The following GDI2 variants were observed in gnomAD, a reference collection of about 807,000 sequenced individuals.
The protein encoded by GDI2 is rab GDP dissociation inhibitor beta.
In GDI2, 22 loss-of-function variants were observed where a neutral mutation model predicts 54.2. The observed-to-expected ratio is 0.41, with a 90% CI of 0.29 to 0.58. The LOEUF (loss-of-function observed/expected upper bound fraction) is 0.58. GDI2 is among the 20% of genes least tolerant of loss of function. The probability of loss-of-function intolerance (pLI) is 0.35; values close to 1 mark genes in which losing one functional copy is unlikely to be tolerated. For missense variants in GDI2, 422 were observed against 546.0 expected (o/e 0.77, Z 2.26); for synonymous variants, 177 against 182.1 (o/e 0.97, Z 0.23).
intron 1 of GDI2, among the ~76,000 whole-genome samples, chr10:5,811,511 G>A (rs534324012): frequency 6.6e-6 from 1 of 152,222 alleles, no homozygotes; most frequent in Non-Finnish European, 1.5e-5. Context: ...CCTCAATTGT[G>A]AGCAAATCTG....
At chr10:5,799,964 GT>G (rs2131713925) in intron 2 of GDI2, among the ~76,000 whole-genome samples, 1 of 152,198 alleles carries the variant, frequency 6.6e-6, no homozygotes, top group African/African-American at 2.4e-5. Flanking sequence ...AAACTTTTCA[GT>G]ATTACTGAAT....
intron 1 of GDI2, chr10:5,811,953 T>C: frequency 4.7e-6 from 5 of 1,067,604 alleles, no homozygotes; most frequent in Non-Finnish European, 6.1e-6. Flanking sequence ...TTTTGGGATG[T>C]TACCTGTAAA....
rs928893481 is a variant in GDI2, at chr10:5,765,718, CTG to C, written c.*286_*287del. On this transcript the variant is annotated 3_prime_UTR_variant, in exon 11 of 11. Coordinates refer to ENST00000380191, the MANE Select transcript of GDI2 (RefSeq NM_001494.4). ...TACACTGATTAAAAGATTAAAAAAA[CTG>C]TCTCAAGTTGTCTGTGTCGGTATCC... The C allele has an allele frequency of 2.2e-5, 7 of 322,470 alleles. No individual in the cohort carries two copies. Among genetic ancestry groups the C allele is most frequent in the Admixed American group, 2.0e-4 (4 of 20,312 alleles). The allele number at this position is 322,470 out of a possible 1,614,324, so 20.0% of individuals were successfully genotyped here.
chr10:5,796,339 A>C (rs1187942240), intron 3 of GDI2, among the ~76,000 whole-genome samples: 1 of 113,910 alleles, frequency 8.8e-6, no homozygotes, highest in Non-Finnish European at 1.9e-5. Context: ...ACAGAGCGAG[A>C]CTCCGTCTCA....
intron 4 of GDI2, among the ~76,000 whole-genome samples, chr10:5,787,221 T>C (rs1840899092): frequency 6.6e-6 from 1 of 152,166 alleles, no homozygotes. Flanking sequence ...ACCATGAGGC[T>C]GGTCAGGTCG....
chr10:5,782,633 C>T (rs2131695516), intron 6 of GDI2, among the ~76,000 whole-genome samples: 1 of 152,086 alleles, frequency 6.6e-6, no homozygotes, highest in South Asian at 2.1e-4. Flanking sequence ...TTCTACTCAA[C>T]AATTAAAAAA....
Position 5,813,327 on chromosome 10 carries a change from GGCTGGGAGGC to G in GDI2, c.-79_-70del. On this transcript the variant is annotated 5_prime_UTR_variant, in exon 1 of 11. Transcript: ENST00000380191. ...CAGGGGCTCCGTGACCACCCTACGA[GGCTGGGAGGC>G]GCTCTTGGGCGCGAAGGAAAGGGGA... 8.6e-7 allele frequency: 1 copy of G among 1,159,244 alleles called. No homozygotes were observed. Among genetic ancestry groups the G allele is most frequent in the Non-Finnish European group, 1.2e-6 (1 of 800,806 alleles). 71.8% of individuals were successfully genotyped at this position (1,159,244 alleles called of 1,614,324 possible). A position where few individuals can be genotyped will look rare whatever the true frequency, so the allele number is the denominator to read the frequency against.
chr10:5,783,632 G>A (rs989770197), intron 6 of GDI2, among the ~76,000 whole-genome samples: 1 of 152,154 alleles, frequency 6.6e-6, no homozygotes, highest in African/African-American at 2.4e-5. Flanking sequence ...AGCAGTTCTT[G>A]TAGTGCTGGC....
At chr10:5,779,529 T>C (rs756856569) in intron 6 of GDI2, among the ~76,000 whole-genome samples, 2 of 150,128 alleles carry the variant, frequency 1.3e-5, no homozygotes, top group Admixed American at 6.6e-5. Context: ...AATAAAACTA[T>C]AGAAAATGAG....
chr10:5,810,347 T>C (rs1473681763), intron 1 of GDI2, among the ~76,000 whole-genome samples: 1 of 152,244 alleles, frequency 6.6e-6, no homozygotes, highest in Non-Finnish European at 1.5e-5. Flanking sequence ...ACTCTTATTG[T>C]TTTAATCTAC....
chr10:5,785,939 G>A lies in GDI2; in HGVS notation c.500C>T (p.Thr167Ile). The A allele has an allele frequency of 6.2e-7, 1 of 1,610,978 alleles. No individual in the cohort carries two copies. The highest frequency in any genetic ancestry group is 8.5e-7 in the Non-Finnish European group (1 of 1,177,184). Residue 167 changes from threonine (T) to isoleucine (I), a missense_variant, in exon 5 of 11, where the codon ACA becomes ATA. Transcript: ENST00000380191. ...AAATTTCTTATACACATCTCGCATT[G>A]TGGTCTTCTTAGGATCAATGCCTTC... is the stretch of plus-strand genomic sequence containing the variant. The part of the protein sequence containing the change: ...TFEGIDPKKT[T>I]MRDVYKKFDL...
intron 7 of GDI2, among the ~76,000 whole-genome samples, chr10:5,772,712 A>G (rs1225609297): frequency 2.0e-5 from 3 of 152,128 alleles, no homozygotes; most frequent in Admixed American, 2.0e-4. Flanking sequence ...AGCTGAGATC[A>G]CGCCACTGCA....
chr10:5,798,061 G>T (rs138256509), intron 2 of GDI2, among the ~76,000 whole-genome samples: 1 of 152,214 alleles, frequency 6.6e-6, no homozygotes, highest in African/African-American at 2.4e-5. Context: ...TAGACACAAG[G>T]TACACCCATA....
intron 1 of GDI2, among the ~76,000 whole-genome samples, chr10:5,808,965 C>T (rs924541226): frequency 2.0e-5 from 3 of 152,062 alleles, no homozygotes; most frequent in African/African-American, 7.2e-5. Flanking sequence ...AAACTGTCAG[C>T]CAGGCGCGGT....
At chr10:5,798,552 G>A (rs1841197242) in intron 2 of GDI2, among the ~76,000 whole-genome samples, 1 of 149,694 alleles carries the variant, frequency 6.7e-6, no homozygotes, top group Admixed American at 6.7e-5. Context: ...TCGTGCCACT[G>A]CACTGCAGCC....
chr10:5,780,219 AACAAAC>A (rs1840723016), intron 6 of GDI2, among the ~76,000 whole-genome samples: 3 of 69,276 alleles, frequency 4.3e-5, no homozygotes, highest in African/African-American at 4.1e-5. Flanking sequence ...CAAAAAAAAA[AACAAAC>A]AAACAAACAA....
chr10:5,803,228 T>A (rs1311732658), intron 1 of GDI2, among the ~76,000 whole-genome samples: 1 of 152,110 alleles, frequency 6.6e-6, no homozygotes, highest in East Asian at 1.9e-4. Context: ...TGGAGACCAG[T>A]CTGGGCAACA....
chr10:5,810,302 A>G (rs1238135781), intron 1 of GDI2, among the ~76,000 whole-genome samples: 1 of 152,100 alleles, frequency 6.6e-6, no homozygotes, highest in African/African-American at 2.4e-5. Flanking sequence ...GAAGAAAAAA[A>G]CCTCTGGGAA....
In GDI2 at chr10:5,794,183, A is replaced by AG. The variant is rs1841081366; in HGVS notation, c.388+701_388+702insC. On this transcript the variant is annotated intron_variant, in intron 4 of 10. Coordinates refer to ENST00000380191, the MANE Select transcript of GDI2 (RefSeq NM_001494.4). ...CTCTGTCTTTAAAAGAAAAAAAAAA[A>AG]AAAAAATATATATATATATATATAT... Among the ~76,000 whole-genome samples, 2 of 53,142 alleles carry AG rather than the reference A, an allele frequency of 3.8e-5. 1 individual carries two copies. Among genetic ancestry groups the AG allele is most frequent in the Non-Finnish European group, 6.9e-5 (2 of 28,800 alleles). The allele number at this position is 53,142 out of a possible 152,430, so 34.9% of individuals were successfully genotyped here.
Sources: gnomAD v4.1 joint callset for allele counts (sites outside exome capture counted in the v4.1 genomes callset) on GRCh38, gnomAD v4.1.1 for gene constraint, MANE v1.5 for transcripts, NCBI Gene and HGNC (gene_info 2026-07-23, HGNC 2026-07-21) for gene names.